Variants in CREB3L2 observed in about 807,000 individuals in gnomAD.
CREB3L2 encodes cyclic AMP-responsive element-binding protein 3-like protein 2.
In CREB3L2, 23 loss-of-function variants were observed where a neutral mutation model predicts 57.2. The ratio of observed to expected loss-of-function variants is 0.40; its 90% CI spans 0.29 to 0.57. The LOEUF is 0.57. CREB3L2 is among the 20% of genes least tolerant of loss of function. The pLI is 0.42. For missense variants in CREB3L2, 628 were observed against 634.7 expected (o/e 0.99, Z 0.11); for synonymous variants, 268 against 265.1 (o/e 1.01, Z -0.11).
intron 1 of CREB3L2, among the ~76,000 whole-genome samples, chr7:137,983,085 A>G: frequency 6.6e-6 from 1 of 152,188 alleles, no homozygotes; most frequent in East Asian, 1.9e-4. Context: ...TTATTATAGC[A>G]GCCTGAGCAG....
Position 137,875,455 on chromosome 7 carries a change from G to C in CREB3L2, c.*5021C>G, listed in dbSNP as rs1799126757. Reference sequence around the variant, plus strand: ...AGCTGGTGAGCGAAGGATGGGAGCAGAGAACAGAGCTAAAACCCCTGGTTT... The same window carrying C: ...AGCTGGTGAGCGAAGGATGGGAGCACAGAACAGAGCTAAAACCCCTGGTTT... On this transcript the variant is annotated 3_prime_UTR_variant, in exon 12 of 12. Transcript: ENST00000330387. 1 of 222,618 alleles carries C rather than the reference G, an allele frequency of 4.5e-6. No homozygotes were observed. The highest frequency in any genetic ancestry group is 9.0e-6 in the Non-Finnish European group (1 of 111,438). The allele number at this position is 222,618 out of a possible 1,614,324, so 13.8% of individuals were successfully genotyped here. A position where few individuals can be genotyped will look rare whatever the true frequency, so the allele number is the denominator to read the frequency against.
At chr7:137,991,647 C>T (rs1801898313) in intron 1 of CREB3L2, among the ~76,000 whole-genome samples, 1 of 152,176 alleles carries the variant, frequency 6.6e-6, no homozygotes, top group African/African-American at 2.4e-5. Context: ...TGGCTCATGC[C>T]TGTAATCCCA....
intron 8 of CREB3L2, among the ~76,000 whole-genome samples, chr7:137,892,801 G>C (rs896963923): frequency 7.2e-5 from 11 of 152,064 alleles, no homozygotes; most frequent in Non-Finnish European, 1.2e-4. Context: ...AGGTGAGAAG[G>C]GGGTGTCCAA....
chr7:137,976,651 A>C (rs1156664509), intron 1 of CREB3L2, among the ~76,000 whole-genome samples: 1 of 152,278 alleles, frequency 6.6e-6, no homozygotes. Flanking sequence ...AGTAAGTTGC[A>C]GACCTCAGTA....
At chr7:137,979,462 C>T (rs9969334) in intron 1 of CREB3L2, among the ~76,000 whole-genome samples, 40,677 of 152,028 alleles carry the variant, frequency 0.27, 6,641 homozygotes, top group African/African-American at 0.47. Flanking sequence ...CGCGGTGGCT[C>T]ACACCTTAAT....
In CREB3L2 at chr7:137,915,463, A is replaced by G. The variant is rs182359465; in HGVS notation, c.495+374T>C. 5.1e-3 allele frequency among the ~76,000 whole-genome samples: 779 copies of G among 152,332 alleles called. 5 individuals carry two copies. The highest frequency in any genetic ancestry group is 6.8e-3 in the Non-Finnish European group (463 of 68,032). Reference sequence around the variant, plus strand: ...TTACACAGGAGCTCACATTCCCAGTAGCCATGCACTGTAAGCCATGGATTA... The same window carrying G: ...TTACACAGGAGCTCACATTCCCAGTGGCCATGCACTGTAAGCCATGGATTA... On this transcript the variant is annotated intron_variant, in intron 3 of 11. Transcript: ENST00000330387.
intron 1 of CREB3L2, among the ~76,000 whole-genome samples, chr7:137,961,277 T>C (rs924611068): frequency 6.6e-6 from 1 of 151,876 alleles, no homozygotes; most frequent in African/African-American, 2.4e-5. Flanking sequence ...ATTTGCTCAG[T>C]GTCCTTGCAG....
chr7:137,881,190 G>A (rs1046299495), intron 11 of CREB3L2, among the ~76,000 whole-genome samples: 21 of 152,112 alleles, frequency 1.4e-4, no homozygotes, highest in African/African-American at 4.8e-4. Flanking sequence ...GATCCCAGCG[G>A]TGGCTACATT....
intron 1 of CREB3L2, among the ~76,000 whole-genome samples, chr7:137,942,212 G>C (rs957325591): frequency 6.6e-6 from 1 of 152,172 alleles, no homozygotes; most frequent in African/African-American, 2.4e-5. Flanking sequence ...CTTTTATGAA[G>C]GAACTGTTTA....
At position 137,912,757 on chromosome 7, in the gene CREB3L2, G is replaced by T. The variant is rs1800041515; in HGVS notation, c.583+234C>A. The T allele has an allele frequency of 4.0e-6, 5 of 1,243,166 alleles. No individual in the cohort carries two copies. In the Admixed American group the frequency reaches 9.1e-5, roughly 23 times the overall value. The allele number at this position is 1,243,166 out of a possible 1,614,324, so 77.0% of individuals were successfully genotyped here. A position where few individuals can be genotyped will look rare whatever the true frequency, so the allele number is the denominator to read the frequency against. ...AATATCACCCTGGTTAGAAGTAAAA[G>T]TATGGTAACACTTAGCTGAAATTTA... is the stretch of plus-strand genomic sequence containing the variant. On this transcript the variant is annotated intron_variant, in intron 4 of 11. Transcript: ENST00000330387.
In CREB3L2 at chr7:137,925,723, T is replaced by C. The variant is rs192000038; in HGVS notation, c.319+2427A>G. Among the ~76,000 whole-genome samples, 3 of 152,314 alleles carry C rather than the reference T, an allele frequency of 2.0e-5. No homozygotes were observed. In the East Asian group the frequency reaches 5.8e-4, roughly 29 times the overall value. On this transcript the variant is annotated intron_variant, in intron 2 of 11. Coordinates refer to ENST00000330387, the MANE Select transcript of CREB3L2 (RefSeq NM_194071.4). Reference sequence around the variant, plus strand: ...CAGAAAAATAGATCCAGACAAAGCTTTGCTGAACAAGTTCCCCATCCACTC... The same window carrying C: ...CAGAAAAATAGATCCAGACAAAGCTCTGCTGAACAAGTTCCCCATCCACTC...
At chr7:137,969,512 A>G (rs1801467741) in intron 1 of CREB3L2, among the ~76,000 whole-genome samples, 1 of 151,248 alleles carries the variant, frequency 6.6e-6, no homozygotes, top group African/African-American at 2.4e-5. Context: ...ACACCCGGCT[A>G]ATTTTTTTTT....
At chr7:137,901,703 A>G (rs1799762111) in intron 7 of CREB3L2, among the ~76,000 whole-genome samples, 1 of 151,420 alleles carries the variant, frequency 6.6e-6, no homozygotes, top group Admixed American at 6.6e-5. Flanking sequence ...ACATGGTGAA[A>G]CCCTGTCTCT....
chr7:137,892,669 G>A (rs1237699629), intron 8 of CREB3L2, among the ~76,000 whole-genome samples: 1 of 152,020 alleles, frequency 6.6e-6, no homozygotes, highest in Admixed American at 6.6e-5. Context: ...AAACTCAGGT[G>A]ATGATCAGGT....
intron 7 of CREB3L2, among the ~76,000 whole-genome samples, chr7:137,902,071 G>A (rs1233157346): frequency 6.6e-6 from 1 of 151,098 alleles, no homozygotes; most frequent in African/African-American, 2.4e-5. Context: ...GTGTGTGCCT[G>A]TAATCCGAGC....
chr7:137,984,309 A>G (rs1157652775), intron 1 of CREB3L2, among the ~76,000 whole-genome samples: 1 of 152,234 alleles, frequency 6.6e-6, no homozygotes, highest in Non-Finnish European at 1.5e-5. Context: ...CCTCTTTTGC[A>G]GCTAGGGATG....
At chr7:137,949,797 T>C (rs1801063655) in intron 1 of CREB3L2, among the ~76,000 whole-genome samples, 1 of 152,194 alleles carries the variant, frequency 6.6e-6, no homozygotes, top group Non-Finnish European at 1.5e-5. Context: ...CACTCATGGA[T>C]GCAAAACCCA....
chr7:137,938,614 G>A (rs1800833051), intron 1 of CREB3L2, among the ~76,000 whole-genome samples: 1 of 152,186 alleles, frequency 6.6e-6, no homozygotes, highest in African/African-American at 2.4e-5. Flanking sequence ...AAAGTGCTGG[G>A]ATTACAGGTG....
At chr7:137,989,380 C>T (rs1159057615) in intron 1 of CREB3L2, among the ~76,000 whole-genome samples, 2 of 151,214 alleles carry the variant, frequency 1.3e-5, no homozygotes, top group East Asian at 2.0e-4. Flanking sequence ...CACTCTGTAG[C>T]GACTCTCCCC....
Sources: allele counts gnomAD v4.1 joint callset (sites outside exome capture counted in the v4.1 genomes callset), GRCh38; gene constraint gnomAD v4.1.1; transcripts MANE v1.5; gene names NCBI Gene and HGNC (gene_info 2026-07-23, HGNC 2026-07-21).